Variants in USP33 observed in about 807,000 individuals in gnomAD.
USP33 encodes the protein ubiquitin specific peptidase 33.
USP33 carries 46 observed loss-of-function variants against 124.2 expected under a neutral mutation model. That is an observed-to-expected ratio of 0.37 (90% CI 0.29 to 0.47). The LOEUF (loss-of-function observed/expected upper bound fraction) is 0.47. Ranked by LOEUF, USP33 falls within the 20% of genes least tolerant of loss-of-function variation. USP33 has a pLI of 0.99. For missense variants in USP33, 851 were observed against 1,070.6 expected, an observed-to-expected ratio of 0.79 and a Z score of 2.86; for synonymous variants, 350 against 352.3, an observed-to-expected ratio of 0.99 and a Z score of 0.07.
chr1:77,726,829 C>CT (rs910894437), intron 10 of USP33, among the ~76,000 whole-genome samples: 11 of 152,028 alleles, frequency 7.2e-5, no homozygotes, highest in Non-Finnish European at 1.6e-4. Flanking sequence ...AGGAAAGAAT[C>CT]TTTTTTTAGA....
intron 1 of USP33, among the ~76,000 whole-genome samples, chr1:77,743,956 T>C (rs1679425743): frequency 6.6e-6 from 1 of 151,974 alleles, no homozygotes; most frequent in Non-Finnish European, 1.5e-5. Context: ...GAACCCCATC[T>C]CTACTAAGAA....
At chr1:77,716,811 C>A (rs527425347) in intron 17 of USP33, among the ~76,000 whole-genome samples, 130 of 152,194 alleles carry the variant, frequency 8.5e-4, no homozygotes, top group African/African-American at 3.0e-3. Context: ...ATTTTTCCCA[C>A]CAGCCTGACT....
intron 1 of USP33, among the ~76,000 whole-genome samples, chr1:77,748,441 C>A (rs567993470): frequency 6.6e-6 from 1 of 152,062 alleles, no homozygotes; most frequent in South Asian, 2.1e-4. Flanking sequence ...GAGGCTGAGG[C>A]GGGTGGATCA....
At chr1:77,735,453 T>C (rs1276537661) in intron 6 of USP33, among the ~76,000 whole-genome samples, 2 of 152,216 alleles carry the variant, frequency 1.3e-5, no homozygotes. Context: ...GCTAAATTAA[T>C]GGGTTAAAAC....
chr1:77,719,140 C>G lies in USP33; in HGVS notation c.1692-499G>C, dbSNP rs1265740505. Among the ~76,000 whole-genome samples the G allele has an allele frequency of 2.0e-5, 3 of 151,852 alleles. No homozygotes were observed. In the East Asian group the frequency reaches 5.9e-4, roughly 30 times the overall value. The stretch of plus-strand genomic sequence containing the variant: ...CTTTGGGAGGCCAAGGCGGGCCGAT[C>G]ATAAGGTCAGGAGATGGAGACCATC... On this transcript the variant is annotated intron_variant, in intron 15 of 23. Coordinates refer to ENST00000370794, the MANE Select transcript of USP33 (RefSeq NM_201624.3).
rs552202354 is a variant in USP33 at position 77,732,821 on chromosome 1, T to G, written c.524+1526A>C. 2.2e-5 allele frequency among the ~76,000 whole-genome samples: 3 copies of G among 136,626 alleles called. No homozygotes were observed. In the Admixed American group the frequency reaches 2.4e-4, roughly 11 times the overall value. 89.6% of individuals were successfully genotyped at this position (136,626 alleles called of 152,430 possible). ...TTTTTTTTTTTTTTTTTTGACGGAG[T>G]CTCACACTGTCACCTGGGCTAGAGT... On this transcript the variant is annotated intron_variant, in intron 7 of 23. Coordinates refer to ENST00000370794, the MANE Select transcript of USP33 (RefSeq NM_201624.3).
At chr1:77,741,971 ATTT>A (rs1172062312) in intron 1 of USP33, among the ~76,000 whole-genome samples, 1 of 152,184 alleles carries the variant, frequency 6.6e-6, no homozygotes, top group African/African-American at 2.4e-5. Context: ...CTACATAAAC[ATTT>A]TATTAAAATT....
chr1:77,720,650 A>G, intron 15 of USP33: 2 of 978,896 alleles, frequency 2.0e-6, no homozygotes, highest in Non-Finnish European at 2.4e-6. Flanking sequence ...GCTTTTCACC[A>G]AGTCTTCCAA....
intron 22 of USP33, 76 bp from the exon 23 acceptor site, chr1:77,698,007 T>C (rs1673587391): frequency 8.6e-7 from 1 of 1,158,052 alleles, no homozygotes; most frequent in South Asian, 1.4e-5. Context: ...CTTGACAAAA[T>C]TGTGACCTAT....
intron 7 of USP33, among the ~76,000 whole-genome samples, chr1:77,732,432 T>G (rs1677930172): frequency 2.0e-5 from 3 of 152,196 alleles, no homozygotes; most frequent in Admixed American, 2.0e-4. Flanking sequence ...TAGCTGGTCT[T>G]TCAAATTCCA....
chr1:77,715,128 T>G (rs545455167), intron 18 of USP33, among the ~76,000 whole-genome samples: 1 of 152,344 alleles, frequency 6.6e-6, no homozygotes, highest in African/African-American at 2.4e-5. Context: ...AGTAATACTT[T>G]CATTATTAGC....
At chr1:77,717,801 A>G in intron 17 of USP33, 66 bp downstream of exon 17, 1 of 1,414,594 alleles carries the variant, frequency 7.1e-7, no homozygotes, top group South Asian at 1.8e-5. Context: ...GGTATGAGCC[A>G]CCACGCCCAG....
chr1:77,715,954 G>A (rs1041860180), intron 17 of USP33, 86 bp from the exon 18 acceptor site: 1 of 1,343,760 alleles, frequency 7.4e-7, no homozygotes, highest in African/African-American at 1.5e-5. Flanking sequence ...CCAGTGCCTA[G>A]CACAGTAGCT....
chr1:77,740,725 C>G, intron 4 of USP33, 152 bp downstream of exon 4: 2 of 639,718 alleles, frequency 3.1e-6, no homozygotes, highest in Non-Finnish European at 2.8e-6. Context: ...CCTAGCAATT[C>G]CCTTCCCCAT....
chr1:77,745,040 A>G (rs1171421389), intron 1 of USP33, among the ~76,000 whole-genome samples: 1 of 152,074 alleles, frequency 6.6e-6, no homozygotes, highest in Non-Finnish European at 1.5e-5. Flanking sequence ...GTCTCCCATT[A>G]TTATTGTGTG....
rs1316270025 is a variant in USP33, at chr1:77,722,283, G to C, written c.1390-87C>G. On this transcript the variant is annotated intron_variant, in intron 12 of 23. Transcript: ENST00000370794. ...TAGATTTTAGACTCTAAAGATCAAA[G>C]CATGTTTAAATAAGCAAAAAAAACA... 4 of 1,269,406 alleles carry C rather than the reference G, an allele frequency of 3.2e-6. No individual in the cohort carries two copies. The African/African-American group carries it at 4.6e-5, about 15-fold the overall frequency. The allele number at this position is 1,269,406 out of a possible 1,614,324, so 78.6% of individuals were successfully genotyped here. A position where few individuals can be genotyped will look rare whatever the true frequency, so the allele number is the denominator to read the frequency against.
intron 8 of USP33, among the ~76,000 whole-genome samples, chr1:77,730,288 T>G (rs1677656491): frequency 6.6e-6 from 1 of 152,226 alleles, no homozygotes; most frequent in South Asian, 2.1e-4. Context: ...CAGGAAAATA[T>G]TCATATAGTA....
chr1:77,740,281 C>G (rs1273449261), intron 4 of USP33, among the ~76,000 whole-genome samples: 1 of 152,010 alleles, frequency 6.6e-6, no homozygotes, highest in African/African-American at 2.4e-5. Flanking sequence ...TGTCATAAAC[C>G]TAAGCACCCA....
chr1:77,754,177 T>C (rs1680596889), intron 1 of USP33, among the ~76,000 whole-genome samples: 2 of 152,190 alleles, frequency 1.3e-5, no homozygotes, highest in African/African-American at 2.4e-5. Context: ...GCAAGCACTT[T>C]GCACTAAAAA....
Sources: gnomAD v4.1 joint callset for allele counts (sites outside exome capture counted in the v4.1 genomes callset) on GRCh38, gnomAD v4.1.1 for gene constraint, MANE v1.5 for transcripts, NCBI Gene and HGNC (gene_info 2026-07-23, HGNC 2026-07-21) for gene names.